AKAP6: variants seen among roughly 807,000 people sequenced by gnomAD.
The protein encoded by AKAP6 is A-kinase anchoring protein 6.
A neutral mutation model predicts 188.5 loss-of-function variants in AKAP6; 58 were observed. The observed-to-expected ratio is 0.31, with a 90% CI of 0.25 to 0.38. The LOEUF is 0.38. Ranked by LOEUF, AKAP6 falls within the 10% of genes least tolerant of loss-of-function variation. The pLI is 1.00. For missense variants in AKAP6, 2,710 were observed against 2,740.0 expected (o/e 0.99, Z 0.24); for synonymous variants, 989 against 998.6 (o/e 0.99, Z 0.18).
At position 32,696,123 on chromosome 14, in the gene AKAP6, C is replaced by T. The variant is rs373816735; in HGVS notation, c.3000+13C>T. ...GCATCTTTACAAGGTTAGAGCTACCCTTCCTGCCTTTACCTTGCTGTGGAA... is the reference window on the plus strand; with the variant it reads ...GCATCTTTACAAGGTTAGAGCTACCTTTCCTGCCTTTACCTTGCTGTGGAA... On this transcript the variant is annotated intron_variant, in intron 9 of 13. Transcript: ENST00000280979. 6 of 1,589,508 alleles carry T rather than the reference C, an allele frequency of 3.8e-6. No individual in the cohort carries two copies. In the African/African-American group the frequency reaches 5.5e-5, roughly 14 times the overall value.
In AKAP6 at chr14:32,546,672, A is replaced by G; in HGVS notation, c.2019A>G (p.Glu673=). The G allele has an allele frequency of 6.2e-7, 1 of 1,614,144 alleles. No homozygotes were observed. Among genetic ancestry groups the G allele is most frequent in the Non-Finnish European group, 8.5e-7 (1 of 1,179,992 alleles). ...ATATTGATGACTGGGAACTGTCTGA[A>G]ATGAATTCAGATTCTGAAATCTATC... ...IQNIDDWELS[E]MNSDSEIYPT... is the part of the protein sequence containing the mutation. The change falls in exon 4 of 14, where the codon GAA becomes GAG. Residue 673 remains glutamate (E), a synonymous_variant. Coordinates refer to ENST00000280979, the MANE Select transcript of AKAP6 (RefSeq NM_004274.5).
chr14:32,671,057 TA>T (rs545008391), intron 7 of AKAP6, among the ~76,000 whole-genome samples: 1 of 151,576 alleles, frequency 6.6e-6, no homozygotes, highest in Non-Finnish European at 1.5e-5. Context: ...ATGGACAATA[TA>T]AAAAAAAGTG....
chr14:32,474,901 T>A (rs1951192), intron 2 of AKAP6, among the ~76,000 whole-genome samples: 1 of 151,888 alleles, frequency 6.6e-6, no homozygotes, highest in Non-Finnish European at 1.5e-5. Context: ...AATTCTAACC[T>A]ACCATTCATT....
At chr14:32,573,557 T>C (rs1452950136) in intron 4 of AKAP6, among the ~76,000 whole-genome samples, 1 of 152,208 alleles carries the variant, frequency 6.6e-6, no homozygotes, top group African/African-American at 2.4e-5. Flanking sequence ...AGACATGCTA[T>C]ATGTTCTGCT....
In AKAP6 at chr14:32,684,912, A is replaced by G. The variant is rs116701685; in HGVS notation, c.2879+6453A>G. 7.7e-3 allele frequency among the ~76,000 whole-genome samples: 1,176 copies of G among 152,302 alleles called. 24 individuals are homozygous for G. The highest frequency in any genetic ancestry group is 0.026 in the African/African-American group (1,082 of 41,566). ...AAAAGATACGTAAGACTTAATCTCT[A>G]TGGTATTCAGTGTAGTGAGAGAGAG... On this transcript the variant is annotated intron_variant, in intron 8 of 13. Transcript: ENST00000280979.
rs1009646571 is a variant in AKAP6, at chr14:32,772,793, C to T, written c.3373-885C>T. On this transcript the variant is annotated intron_variant, in intron 11 of 13. Transcript: ENST00000280979. ...CACTCTGTTAACTGTTAGAACAGTC[C>T]AATTGTGGCAGTAGAAGGAGATTAG... is the stretch of plus-strand genomic sequence containing the variant. Among the ~76,000 whole-genome samples, 10 of 152,162 alleles carry T rather than the reference C, an allele frequency of 6.6e-5. No homozygotes were observed. The East Asian group carries it at 1.9e-3, about 29-fold the overall frequency.
intron 10 of AKAP6, 102 bp from the exon 11 acceptor site, chr14:32,735,556 T>G: frequency 2.3e-6 from 2 of 855,594 alleles, no homozygotes; most frequent in Non-Finnish European, 3.5e-6. Context: ...CTGTGGTGTG[T>G]TTTTGGTACC....
chr14:32,749,882 A>G (rs1296047120), intron 11 of AKAP6, among the ~76,000 whole-genome samples: 1 of 152,200 alleles, frequency 6.6e-6, no homozygotes, highest in Non-Finnish European at 1.5e-5. Flanking sequence ...CCTTCACAAT[A>G]TATGTAGAGG....
rs116445402 is a variant in AKAP6, at chr14:32,340,943, C to G, written c.-35+11535C>G. Among the ~76,000 whole-genome samples, 1,036 of 152,336 alleles carry G rather than the reference C, an allele frequency of 6.8e-3. 10 individuals carry two copies. The highest frequency in any genetic ancestry group is 0.024 in the African/African-American group (994 of 41,566). ...AATCACTTCCCAAAGGCCCTGCCTC[C>G]TAATATCATCACCTTGGGGGTTAGG... is the stretch of plus-strand genomic sequence containing the variant. On this transcript the variant is annotated intron_variant, in intron 1 of 13. Coordinates refer to ENST00000280979, the MANE Select transcript of AKAP6 (RefSeq NM_004274.5).
Position 32,826,478 on chromosome 14 carries a change from G to A in AKAP6, c.*42+1663G>A, listed in dbSNP as rs531273147. On this transcript the variant is annotated intron_variant, in intron 13 of 13. Transcript: ENST00000280979. ...TGTACTGCTGGCTCTGCCAACCTCC[G>A]CAGAAGGGCTGGTAGAGCCTGGCTG... 4.0e-4 allele frequency among the ~76,000 whole-genome samples: 61 copies of A among 152,230 alleles called. 1 individual carries two copies. The highest frequency in any genetic ancestry group is 1.4e-3 in the African/African-American group (57 of 41,538).
At position 32,581,686 on chromosome 14, in the gene AKAP6, G is replaced by C. The variant is rs1031714426; in HGVS notation, c.2469+4444G>C. On this transcript the variant is annotated intron_variant, in intron 5 of 13. Transcript: ENST00000280979. ...TATGAATCTGGGTGCTCCTGTATTG[G>C]GTGCATATATATTTAGGACAGTTAG... 1.8e-4 allele frequency among the ~76,000 whole-genome samples: 27 copies of C among 152,156 alleles called. 1 individual carries two copies. Among genetic ancestry groups the C allele is most frequent in the Non-Finnish European group, 2.6e-4 (18 of 68,018 alleles).
chr14:32,545,532 G>C lies in AKAP6; in HGVS notation c.879G>C (p.Glu293Asp). Reference protein sequence around the residue: ...STNGSEAVTEEVSQVSLSVDD... With the variant: ...STNGSEAVTEDVSQVSLSVDD... ...ATGGCAGTGAAGCAGTTACTGAGGA[G>C]GTATCTCAAGTATCTCTCTCAGTAG... The change falls in exon 4 of 14, where the codon GAG (glutamate) becomes GAC (aspartate). Residue 293 changes from glutamate to aspartate, a missense_variant. By Grantham distance (45) the Glu-to-Asp change is conservative. Around this residue, in one of 2 missense-constraint regions of AKAP6, gnomAD observed 2,473 missense variants for 2,426.1 expected, o/e 1.02. Transcript: ENST00000280979. 5.6e-6 allele frequency: 9 copies of C among 1,614,182 alleles called. No homozygotes were observed. Among genetic ancestry groups the C allele is most frequent in the Non-Finnish European group, 7.6e-6 (9 of 1,180,028 alleles).
chr14:32,387,423 T>G (rs1888568068), intron 1 of AKAP6, among the ~76,000 whole-genome samples: 1 of 151,082 alleles, frequency 6.6e-6, no homozygotes, highest in South Asian at 2.1e-4. Context: ...ATGTTTGCTG[T>G]GGGTTTGTCA....
chr14:32,795,300 C>A (rs1238643457), intron 12 of AKAP6, among the ~76,000 whole-genome samples: 1 of 152,192 alleles, frequency 6.6e-6, no homozygotes, highest in African/African-American at 2.4e-5. Flanking sequence ...TCAGCATCAT[C>A]CTGATACCAA....
chr14:32,666,293 C>T (rs939694111), intron 7 of AKAP6, among the ~76,000 whole-genome samples: 8 of 151,934 alleles, frequency 5.3e-5, no homozygotes, highest in African/African-American at 1.4e-4. Context: ...TATAATATCT[C>T]GATAAAATGT....
chr14:32,369,333 G>A (rs996068575), intron 1 of AKAP6, among the ~76,000 whole-genome samples: 3 of 152,172 alleles, frequency 2.0e-5, no homozygotes, highest in Non-Finnish European at 2.9e-5. Flanking sequence ...CCCAGAAACC[G>A]GTAACTGTTA....
At chr14:32,651,000 A>G (rs1371873607) in intron 7 of AKAP6, among the ~76,000 whole-genome samples, 1 of 152,220 alleles carries the variant, frequency 6.6e-6, no homozygotes, top group Non-Finnish European at 1.5e-5. Context: ...AGTATCCATG[A>G]TACCCAATTA....
rs941948450 is a variant in AKAP6 at position 32,460,994 on chromosome 14, C to T, written c.324+27177C>T. On this transcript the variant is annotated intron_variant, in intron 2 of 13. Coordinates refer to ENST00000280979, the MANE Select transcript of AKAP6 (RefSeq NM_004274.5). ...AACTCACCACAGTGCAGCAAAGTAG[C>T]TGTGGCCAGACCTTTTCTCTAAATT... 2.6e-5 allele frequency among the ~76,000 whole-genome samples: 4 copies of T among 152,350 alleles called. No individual in the cohort carries two copies. The East Asian group carries it at 7.7e-4, about 29-fold the overall frequency.
intron 7 of AKAP6, among the ~76,000 whole-genome samples, chr14:32,638,354 C>G (rs1430962796): frequency 6.6e-6 from 1 of 152,068 alleles, no homozygotes; most frequent in Admixed American, 6.6e-5. Context: ...AGCCTGTGGC[C>G]TAACGGACAA....
Sources: gnomAD v4.1 joint callset for allele counts (sites outside exome capture counted in the v4.1 genomes callset) on GRCh38, gnomAD v4.1.1 for gene constraint, gnomAD v4.1.1 regional missense constraint, MANE v1.5 for transcripts, NCBI Gene and HGNC (gene_info 2026-07-23, HGNC 2026-07-21) for gene names.